The following ADAMTS6 variants were observed in gnomAD, a reference collection of about 807,000 sequenced individuals.
The protein encoded by ADAMTS6 is ADAM metallopeptidase with thrombospondin type 1 motif 6, also known as A disintegrin and metalloproteinase with thrombospondin motifs 6.
ADAMTS6 carries 23 observed loss-of-function variants against 144.3 expected under a neutral mutation model. That is an observed-to-expected ratio of 0.16 (90% confidence interval 0.11 to 0.23). The LOEUF is 0.23. Among genes scored for constraint, ADAMTS6 ranks in the 10% least tolerant of loss-of-function variants. The pLI, the probability that ADAMTS6 is intolerant of heterozygous loss-of-function variation, is 1.00. For missense variants in ADAMTS6, 999 were observed against 1,379.6 expected, an observed-to-expected ratio of 0.72 and a Z score of 4.37; for synonymous variants, 444 against 457.5, an observed-to-expected ratio of 0.97 and a Z score of 0.38.
chr5:65,295,317 TAA>T (rs1294125031), intron 10 of ADAMTS6, among the ~76,000 whole-genome samples: 1 of 152,100 alleles, frequency 6.6e-6, no homozygotes, highest in Non-Finnish European at 1.5e-5. Context: ...ATATTAGATA[TAA>T]GTTGTCTTAT....
In ADAMTS6 at chr5:65,319,335, C is replaced by T. The variant is rs139632178; in HGVS notation, c.1223+10043G>A. Among the ~76,000 whole-genome samples the T allele has an allele frequency of 1.8e-4, 27 of 151,282 alleles. No individual in the cohort carries two copies. In the East Asian group the frequency reaches 5.1e-3, roughly 28 times the overall value. On this transcript the variant is annotated intron_variant, in intron 9 of 24. Coordinates refer to ENST00000381055, the MANE Select transcript of ADAMTS6 (RefSeq NM_197941.4). ...TTTTTAAATAAAGGACAAATTAAAC[C>T]CAAAGTAAGAACTAGTAAGGAAATA...
At chr5:65,307,268 C>A (rs1744026963) in intron 9 of ADAMTS6, among the ~76,000 whole-genome samples, 2 of 152,182 alleles carry the variant, frequency 1.3e-5, no homozygotes, top group African/African-American at 4.8e-5. Context: ...TAGCTTGACA[C>A]TGAATTCCAT....
At chr5:65,420,714 G>T (rs1467831222) in intron 7 of ADAMTS6, among the ~76,000 whole-genome samples, 1 of 152,114 alleles carries the variant, frequency 6.6e-6, no homozygotes, top group Admixed American at 6.6e-5. Context: ...AAAGAAAAAG[G>T]AATGCCCTTT....
intron 7 of ADAMTS6, among the ~76,000 whole-genome samples, chr5:65,403,635 T>C (rs1754140793): frequency 6.6e-6 from 1 of 152,158 alleles, no homozygotes; most frequent in African/African-American, 2.4e-5. Context: ...CTATTCCAAG[T>C]ACATATTTAG....
chr5:65,185,989 T>C (rs1754658039), intron 22 of ADAMTS6, among the ~76,000 whole-genome samples: 1 of 152,208 alleles, frequency 6.6e-6, no homozygotes, highest in African/African-American at 2.4e-5. Flanking sequence ...TCAGAAGGCA[T>C]TCCTTCTGCT....
chr5:65,428,356 T>A (rs1184332222), intron 7 of ADAMTS6, among the ~76,000 whole-genome samples: 1 of 152,086 alleles, frequency 6.6e-6, no homozygotes, highest in African/African-American at 2.4e-5. Flanking sequence ...TATTTCAACA[T>A]GGATTCAATT....
intron 11 of ADAMTS6, among the ~76,000 whole-genome samples, chr5:65,288,383 T>TGAG (rs1741925646): frequency 1.3e-5 from 2 of 151,204 alleles, no homozygotes; most frequent in African/African-American, 4.9e-5. Flanking sequence ...GCAGTGGCAC[T>TGAG]ATCTCGGCTC....
intron 7 of ADAMTS6, among the ~76,000 whole-genome samples, chr5:65,411,901 A>C (rs114420162): frequency 6.6e-6 from 1 of 152,190 alleles, no homozygotes; most frequent in Non-Finnish European, 1.5e-5. Flanking sequence ...GAAATGCCAT[A>C]CTATGTATCC....
chr5:65,332,302 TATATATATATAGAGAGAG>T (rs1431203688), intron 8 of ADAMTS6, among the ~76,000 whole-genome samples: 1 of 116,376 alleles, frequency 8.6e-6, no homozygotes, highest in African/African-American at 2.8e-5. Flanking sequence ...TATATATATA[TATATATATATAGAGAGAG>T]AGAGAGAGAG....
chr5:65,326,084 T>C (rs1450624887), intron 9 of ADAMTS6, among the ~76,000 whole-genome samples: 1 of 152,136 alleles, frequency 6.6e-6, no homozygotes, highest in Non-Finnish European at 1.5e-5. Context: ...TACTTCAATA[T>C]GCATTCATAA....
chr5:65,242,285 C>T (rs1759257428), intron 14 of ADAMTS6, 79 bp from the exon 15 acceptor site: 3 of 1,026,628 alleles, frequency 2.9e-6, no homozygotes, highest in Non-Finnish European at 4.3e-6. Context: ...AAAATGAACT[C>T]CATCAAATTA....
In ADAMTS6 at chr5:65,149,698, T is replaced by C. The variant is rs563523065; in HGVS notation, c.*2138A>G. 1 of 152,792 alleles carries C rather than the reference T, an allele frequency of 6.5e-6. No homozygotes were observed. Among genetic ancestry groups the C allele is most frequent in the East Asian group, 1.9e-4 (1 of 5,186 alleles). 9.5% of individuals were successfully genotyped at this position (152,792 alleles called of 1,614,324 possible). A position where few individuals can be genotyped will look rare whatever the true frequency, so the allele number is the denominator to read the frequency against. ...AAATCAGATCTGGATTGCAAACCTATGCCTAAAATGCCACAGAAACTGCCC... is the reference window on the plus strand; with the variant it reads ...AAATCAGATCTGGATTGCAAACCTACGCCTAAAATGCCACAGAAACTGCCC... On this transcript the variant is annotated 3_prime_UTR_variant, in exon 25 of 25. Transcript: ENST00000381055.
At chr5:65,366,608 A>G (rs886367834) in intron 7 of ADAMTS6, among the ~76,000 whole-genome samples, 1 of 152,208 alleles carries the variant, frequency 6.6e-6, no homozygotes, top group South Asian at 2.1e-4. Context: ...TAGTGTGTTC[A>G]TTATAATCTA....
In ADAMTS6 at chr5:65,419,313, A is replaced by AC. The variant is rs1461284596; in HGVS notation, c.1073+32161dup. On this transcript the variant is annotated intron_variant, in intron 7 of 24. Coordinates refer to ENST00000381055, the MANE Select transcript of ADAMTS6 (RefSeq NM_197941.4). ...ATGCAGGAACACAAAACTAAACACC[A>AC]CATGTTCTCACTTATAGGTGGGAGC... Among the ~76,000 whole-genome samples, 58 of 152,294 alleles carry AC rather than the reference A, an allele frequency of 3.8e-4. 1 individual carries two copies. Among genetic ancestry groups the AC allele is most frequent in the East Asian group, 7.7e-4 (4 of 5,186 alleles).
chr5:65,358,875 T>C (rs1265175193), intron 7 of ADAMTS6, among the ~76,000 whole-genome samples: 1 of 151,848 alleles, frequency 6.6e-6, no homozygotes, highest in African/African-American at 2.4e-5. Context: ...AAAAATCAAC[T>C]CAAAATGGAT....
At chr5:65,312,214 C>T (rs994677152) in intron 9 of ADAMTS6, among the ~76,000 whole-genome samples, 5 of 151,698 alleles carry the variant, frequency 3.3e-5, no homozygotes, top group African/African-American at 1.2e-4. Context: ...CAATGATAGT[C>T]TAAACTGTGC....
At chr5:65,350,431 A>G (rs1748749189) in intron 7 of ADAMTS6, among the ~76,000 whole-genome samples, 1 of 152,112 alleles carries the variant, frequency 6.6e-6, no homozygotes, top group Admixed American at 6.6e-5. Context: ...CCTCTTCCGA[A>G]CTTTCTCCAA....
chr5:65,158,777 A>C (rs1268667037), intron 24 of ADAMTS6, among the ~76,000 whole-genome samples: 2 of 152,178 alleles, frequency 1.3e-5, no homozygotes, highest in Admixed American at 1.3e-4. Context: ...GAAACAAAAA[A>C]CTAAAGCAGA....
At position 65,214,520 on chromosome 5, in the gene ADAMTS6, A is replaced by G; in HGVS notation, c.2575+274T>C. On this transcript the variant is annotated intron_variant, in intron 20 of 24. Transcript: ENST00000381055. This position sits in a 1 kb window ranked among gnomAD's most constrained non-coding sequence, Gnocchi z 4.6. ...AAGAATGTGTTCACGAAAGGCAAAC[A>G]GCCCACCTTCAAGATAGTCTTGGGA... 2 of 499,230 alleles carry G rather than the reference A, an allele frequency of 4.0e-6. 1 individual carries two copies. Among genetic ancestry groups the G allele is most frequent in the South Asian group, 4.2e-5 (2 of 47,472 alleles). The allele number at this position is 499,230 out of a possible 1,614,324, so 30.9% of individuals were successfully genotyped here. A position where few individuals can be genotyped will look rare whatever the true frequency, so the allele number is the denominator to read the frequency against.
Sources: gnomAD v4.1 joint callset for allele counts (sites outside exome capture counted in the v4.1 genomes callset) on GRCh38, gnomAD v4.1.1 for gene constraint, Gnocchi (gnomAD v3.1) non-coding constraint, MANE v1.5 for transcripts, NCBI Gene and HGNC (gene_info 2026-07-23, HGNC 2026-07-21) for gene names.